The following NOTUM variants were observed in gnomAD, a reference collection of about 807,000 sequenced individuals.
NOTUM encodes palmitoleoyl-protein carboxylesterase NOTUM.
In NOTUM, 36 loss-of-function variants were observed where a neutral mutation model predicts 65.5. The ratio of observed to expected loss-of-function variants is 0.55; its 90% CI spans 0.42 to 0.73. The LOEUF is 0.73. Among genes scored for constraint, NOTUM ranks in the 30% least tolerant of loss-of-function variants. NOTUM has a pLI of 0.00. For synonymous variants in NOTUM, 356 were observed against 297.9 expected, an observed-to-expected ratio of 1.20 and a Z score of -2.01; for missense variants, 659 against 694.2, an observed-to-expected ratio of 0.95 and a Z score of 0.57.
intron 3 of NOTUM, 192 bp downstream of exon 3, chr17:81,959,279 G>C (rs1033480147): frequency 1.6e-6 from 1 of 614,076 alleles, no homozygotes; most frequent in African/African-American, 1.8e-5. Flanking sequence ...GAGCCGCTGG[G>C]TAAGCGCCTG....
At chr17:81,958,130 G>C (rs966321398) in intron 5 of NOTUM, among the ~76,000 whole-genome samples, 29 of 152,268 alleles carry the variant, frequency 1.9e-4, no homozygotes, top group Non-Finnish European at 3.2e-4. Flanking sequence ...TCCTACAGTT[G>C]TGGACAAGCA....
Position 81,953,107 on chromosome 17 carries a change from A to G in NOTUM, c.1345T>C (p.Cys449Arg). 1.2e-6 allele frequency: 2 copies of G among 1,613,852 alleles called. No individual in the cohort carries two copies. The highest frequency in any genetic ancestry group is 8.5e-7 in the Non-Finnish European group (1 of 1,179,890). The change falls in exon 11 of 11, where the codon TGC becomes CGC. Residue 449 changes from cysteine to arginine, a missense_variant. By Grantham distance (180) the Cys-to-Arg change is radical (BLOSUM62 -3). Coordinates refer to ENST00000409678, the MANE Select transcript of NOTUM (RefSeq NM_178493.6). Reference protein sequence around the residue: ...SCPWPHCNPSCPTVRDQFTGQ... With the variant: ...SCPWPHCNPSRPTVRDQFTGQ... ...GTGAACTGGTCTCGGACGGTGGGGC[A>G]TGAGGGGTTGCAGTGGGGCCAGGGG...
rs368495326 is a variant in NOTUM at position 81,952,953 on chromosome 17, C to G, written c.*8G>C. 233 of 1,612,542 alleles carry G rather than the reference C, an allele frequency of 1.4e-4. No homozygotes were observed. Among genetic ancestry groups the G allele is most frequent in the Non-Finnish European group, 1.8e-4 (213 of 1,179,450 alleles). ...CCTCAGTGCCGGCTCCTCCTCCAGA[C>G]AGTCTGCCTAGCTTCCGTTGCTCAG... is the stretch of plus-strand genomic sequence containing the variant. On this transcript the variant is annotated 3_prime_UTR_variant, in exon 11 of 11. Coordinates refer to ENST00000409678, the MANE Select transcript of NOTUM (RefSeq NM_178493.6).
intron 9 of NOTUM, 135 bp from the exon 10 acceptor site, chr17:81,954,438 C>T (rs906132811): frequency 7.5e-5 from 48 of 640,774 alleles, no homozygotes; most frequent in Non-Finnish European, 1.2e-4. Flanking sequence ...TCCTCTGGCC[C>T]GGGCCTCCCC....
At position 81,959,535 on chromosome 17, in the gene NOTUM, G is replaced by A. The variant is rs550284000; in HGVS notation, c.408C>T (p.Cys136=). Reference sequence around the variant, plus strand: ...GCCGCATGGTGTCGTATCTGGAGTCGCAGTTCTCGCGGTTGAAGCAGTACC... The same window carrying A: ...GCCGCATGGTGTCGTATCTGGAGTCACAGTTCTCGCGGTTGAAGCAGTACC... ...GGWYCFNREN[C]DSRYDTMRRL... Residue 136 remains cysteine (C), a synonymous_variant, in exon 3 of 11, where the codon TGC becomes TGT. Coordinates refer to ENST00000409678, the MANE Select transcript of NOTUM (RefSeq NM_178493.6). 46 of 1,549,108 alleles carry A rather than the reference G, an allele frequency of 3.0e-5. No individual in the cohort carries two copies. In the African/African-American group the frequency reaches 6.2e-4, roughly 21 times the overall value.
chr17:81,959,623 C>T lies in NOTUM; in HGVS notation c.376+17G>A. ...GCACAGACCCCCGGCCTCCCCCCGC[C>T]TCAGCCCTGGACGCACCTTCCAGGA... On this transcript the variant is annotated intron_variant, in intron 2 of 10. Coordinates refer to ENST00000409678, the MANE Select transcript of NOTUM (RefSeq NM_178493.6). 6.5e-7 allele frequency: 1 copy of T among 1,546,394 alleles called. No homozygotes were observed. The highest frequency in any genetic ancestry group is 1.2e-5 in the South Asian group (1 of 83,850).
chr17:81,958,813 G>C (rs1475528997), intron 4 of NOTUM, 122 bp downstream of exon 4: 7 of 736,426 alleles, frequency 9.5e-6, no homozygotes, highest in African/African-American at 7.1e-5. Context: ...CTCCCCAAAA[G>C]AACCATCCAG....
chr17:81,959,563 C>G lies in NOTUM; in HGVS notation c.380G>C (p.Gly127Ala). Residue 127 changes from glycine (G) to alanine (A), a missense_variant, in exon 3 of 11, where the codon GGC becomes GCC. By Grantham distance (60) the Gly-to-Ala change is moderately conservative. Transcript: ENST00000409678. ...SRRWLLFLEG[G>A]WYCFNRENCD... ...GTTCTCGCGGTTGAAGCAGTACCAGCCGCCTGCGGACACGACCGCCGCTCA... is the reference window on the plus strand; with the variant it reads ...GTTCTCGCGGTTGAAGCAGTACCAGGCGCCTGCGGACACGACCGCCGCTCA... The G allele has an allele frequency of 6.5e-7, 1 of 1,548,894 alleles. No homozygotes were observed. The highest frequency in any genetic ancestry group is 8.7e-7 in the Non-Finnish European group (1 of 1,146,428).
chr17:81,959,055 G>T lies in NOTUM; in HGVS notation c.473-60C>A. 14 of 1,449,732 alleles carry T rather than the reference G, an allele frequency of 9.7e-6. No individual in the cohort carries two copies. In the South Asian group the frequency reaches 1.6e-4, roughly 17 times the overall value. 89.8% of individuals were successfully genotyped at this position (1,449,732 alleles called of 1,614,324 possible). A position where few individuals can be genotyped will look rare whatever the true frequency, so the allele number is the denominator to read the frequency against. On this transcript the variant is annotated intron_variant, in intron 3 of 10. Coordinates refer to ENST00000409678, the MANE Select transcript of NOTUM (RefSeq NM_178493.6). ...GAGGAGGCTGTGTAGGGTCGGGTCTGGGAACCCTGGTGAGGTGTTGGGGCT... is the reference window on the plus strand; with the variant it reads ...GAGGAGGCTGTGTAGGGTCGGGTCTTGGAACCCTGGTGAGGTGTTGGGGCT...
rs1332016689 is a variant in NOTUM at position 81,960,653 on chromosome 17, T to C, written c.257A>G (p.Asn86Ser). 1 of 1,581,064 alleles carries C rather than the reference T, an allele frequency of 6.3e-7. No homozygotes were observed. Among genetic ancestry groups the C allele is most frequent in the South Asian group, 1.1e-5 (1 of 86,980 alleles). ...TAGGAGGTGCAGGCGCAGGTCCTCG[T>C]TGAGCTGCTGCGCGGAGCAGGGGTA... ...SLYPCSAQQL[N>S]EDLRLHLLLN... The change falls in exon 1 of 11, where the codon AAC (asparagine) becomes AGC (serine). Residue 86 changes from asparagine to serine, a missense_variant. Asn to Ser is a conservative substitution (Grantham distance 46, BLOSUM62 1). Transcript: ENST00000409678. This position sits in a 1 kb window ranked among gnomAD's most constrained non-coding sequence, Gnocchi z 6.4.
intron 4 of NOTUM, 25 bp downstream of exon 4, chr17:81,958,910 C>T (rs758602300): frequency 6.3e-7 from 1 of 1,597,698 alleles, no homozygotes; most frequent in Non-Finnish European, 8.6e-7. Flanking sequence ...GCAGGACTCC[C>T]AGGCAAGACC....
At chr17:81,954,362 C>T in intron 9 of NOTUM, 59 bp from the exon 10 acceptor site, 4 of 1,274,252 alleles carry the variant, frequency 3.1e-6, no homozygotes, top group South Asian at 1.2e-5. Context: ...CTTTTCCACC[C>T]CCACTCCCCT....
In NOTUM at chr17:81,961,070, C is replaced by G. The variant is rs2041474420; in HGVS notation, c.-161G>C. 2 of 199,598 alleles carry G rather than the reference C, an allele frequency of 1.0e-5. No individual in the cohort carries two copies. Among genetic ancestry groups the G allele is most frequent in the Non-Finnish European group, 1.8e-5 (2 of 109,390 alleles). The allele number at this position is 199,598 out of a possible 1,614,324, so 12.4% of individuals were successfully genotyped here. A position where few individuals can be genotyped will look rare whatever the true frequency, so the allele number is the denominator to read the frequency against. On this transcript the variant is annotated 5_prime_UTR_variant, in exon 1 of 11. Transcript: ENST00000409678. ...CCGGGCCTGGCGGAGAAGGCGCGCG[C>G]GGCTCGGCGTCGAGGCGCTCGGGGC...
chr17:81,960,824 C>G lies in NOTUM; in HGVS notation c.86G>C (p.Arg29Pro). Residue 29 changes from arginine to proline, a missense_variant, in exon 1 of 11, where the codon CGG (arginine) becomes CCG (proline). Transcript: ENST00000409678. This position sits in a 1 kb window ranked among gnomAD's most constrained non-coding sequence, Gnocchi z 6.4. ...GSEGRKTWRR[R>P]GQQPPPPPRT... ...CGGGGGAGGAGGCGGCTGCTGACCCCGGCGCCGCCAGGTCTTCCTGCCCTC... is the reference window on the plus strand; with the variant it reads ...CGGGGGAGGAGGCGGCTGCTGACCCGGGCGCCGCCAGGTCTTCCTGCCCTC... 1 of 1,525,954 alleles carries G rather than the reference C, an allele frequency of 6.6e-7. No homozygotes were observed. The highest frequency in any genetic ancestry group is 8.8e-7 in the Non-Finnish European group (1 of 1,138,882). The allele number at this position is 1,525,954 out of a possible 1,614,324, so 94.5% of individuals were successfully genotyped here.
chr17:81,954,952 T>C (rs889497798), intron 9 of NOTUM, among the ~76,000 whole-genome samples: 3 of 45,796 alleles, frequency 6.6e-5, no homozygotes, highest in African/African-American at 1.8e-4. Context: ...TCTCTCTCTC[T>C]CTCTCTCCTC....
Position 81,953,280 on chromosome 17 carries a change from A to G in NOTUM, c.1185-13T>C. 1 of 1,551,394 alleles carries G rather than the reference A, an allele frequency of 6.4e-7. No homozygotes were observed. The highest frequency in any genetic ancestry group is 8.8e-7 in the Non-Finnish European group (1 of 1,142,816). ...ATCCGTCCAGTGGCTGCAGAGGAAA[A>G]CCGGGGGAGGGGGTCACATGTGCGG... On this transcript the variant is annotated splice_polypyrimidine_tract_variant and intron_variant, in intron 10 of 10. Coordinates refer to ENST00000409678, the MANE Select transcript of NOTUM (RefSeq NM_178493.6).
intron 9 of NOTUM, 128 bp from the exon 10 acceptor site, chr17:81,954,431 T>C (rs1311047918): frequency 3.0e-6 from 2 of 661,644 alleles, no homozygotes; most frequent in Non-Finnish European, 5.3e-6. Flanking sequence ...CAGCTGTTCC[T>C]CTGGCCCGGG....
At chr17:81,959,448 C>T (rs1457672158) in intron 3 of NOTUM, 23 bp downstream of exon 3, 1 of 1,532,232 alleles carries the variant, frequency 6.5e-7, no homozygotes, top group Non-Finnish European at 8.8e-7. Flanking sequence ...GTCGAGACGC[C>T]TTCCCCAGGG....
At chr17:81,959,285 G>C (rs1308815784) in intron 3 of NOTUM, 186 bp downstream of exon 3, 3 of 615,694 alleles carry the variant, frequency 4.9e-6, no homozygotes, top group Admixed American at 5.8e-5. Context: ...CTGGGTAAGC[G>C]CCTGAATGCT....
Sources: allele counts gnomAD v4.1 joint callset (sites outside exome capture counted in the v4.1 genomes callset), GRCh38; gene constraint gnomAD v4.1.1; non-coding constraint Gnocchi (gnomAD v3.1); transcripts MANE v1.5; gene names NCBI Gene and HGNC (gene_info 2026-07-23, HGNC 2026-07-21).